Variants in EDEM2 observed in about 807,000 individuals in gnomAD.
EDEM2 encodes the protein ER degradation enhancing alpha-mannosidase like protein 2, also known as ER degradation-enhancing alpha-mannosidase-like protein 2.
In EDEM2, 39 loss-of-function variants were observed where a neutral mutation model predicts 64.8. The ratio of observed to expected loss-of-function variants is 0.60; its 90% CI spans 0.47 to 0.79. EDEM2 has a LOEUF of 0.79. EDEM2 is among the 30% of genes least tolerant of loss of function. The pLI is 0.00. For synonymous variants in EDEM2, 296 were observed against 291.5 expected, an observed-to-expected ratio of 1.02 and a Z score of -0.16; for missense variants, 609 against 731.3, an observed-to-expected ratio of 0.83 and a Z score of 1.93.
At chr20:35,140,936 A>G (rs972147541) in intron 4 of EDEM2, among the ~76,000 whole-genome samples, 7 of 152,034 alleles carry the variant, frequency 4.6e-5, no homozygotes, top group African/African-American at 1.7e-4. Flanking sequence ...CCTGGCCAAC[A>G]TGGTGAAACC....
rs1367529146 is a variant in EDEM2, at chr20:35,120,586, GCTT to G, written c.1115-1870_1115-1868del. Among the ~76,000 whole-genome samples, 56 of 133,074 alleles carry G rather than the reference GCTT, an allele frequency of 4.2e-4. 1 individual carries two copies. The highest frequency in any genetic ancestry group is 5.2e-4 in the African/African-American group (20 of 38,166). The allele number at this position is 133,074 out of a possible 152,430, so 87.3% of individuals were successfully genotyped here. ...GCCTCCTCTTCTGCTTCTTTTTTCG[GCTT>G]CTTCTTTTTTTTTTTTTTTTTTTTT... On this transcript the variant is annotated intron_variant, in intron 9 of 10. Coordinates refer to ENST00000374492, the MANE Select transcript of EDEM2 (RefSeq NM_018217.3).
chr20:35,132,895 G>A (rs2085524804), intron 6 of EDEM2, among the ~76,000 whole-genome samples: 1 of 152,040 alleles, frequency 6.6e-6, no homozygotes, highest in African/African-American at 2.4e-5. Flanking sequence ...ACTTCATCTG[G>A]TACTCAAAGA....
At chr20:35,134,542 C>T (rs190786863) in intron 6 of EDEM2, among the ~76,000 whole-genome samples, 196 bp downstream of exon 6, 4 of 152,300 alleles carry the variant, frequency 2.6e-5, no homozygotes, top group Admixed American at 2.0e-4. Context: ...CTGCCAGAAA[C>T]GTGCTTTCCC....
chr20:35,119,043 C>T (rs2085339555), intron 9 of EDEM2, among the ~76,000 whole-genome samples: 1 of 151,108 alleles, frequency 6.6e-6, no homozygotes, highest in Non-Finnish European at 1.5e-5. Context: ...TAGCAGGATT[C>T]CTAACTTTAG....
intron 7 of EDEM2, among the ~76,000 whole-genome samples, chr20:35,128,104 G>C (rs953930574): frequency 3.9e-5 from 6 of 152,052 alleles, no homozygotes; most frequent in African/African-American, 7.2e-5. Flanking sequence ...AAAAAAAGTC[G>C]GCTGGGCGTG....
At chr20:35,120,438 C>T (rs1409739201) in intron 9 of EDEM2, among the ~76,000 whole-genome samples, 3 of 152,080 alleles carry the variant, frequency 2.0e-5, no homozygotes, top group Non-Finnish European at 4.4e-5. Context: ...CCTCTCCTCA[C>T]AGGCCTCTAG....
chr20:35,135,231 C>A (rs769191846), intron 5 of EDEM2, among the ~76,000 whole-genome samples: 1 of 152,216 alleles, frequency 6.6e-6, no homozygotes, highest in Non-Finnish European at 1.5e-5. Context: ...AGCTAGAGAG[C>A]TTTACCTATT....
At chr20:35,147,104 G>A in intron 1 of EDEM2, 48 bp downstream of exon 1, 2 of 1,578,140 alleles carry the variant, frequency 1.3e-6, no homozygotes, top group Non-Finnish European at 1.7e-6. Context: ...AAAGGACCGG[G>A]TTCACGCTTC....
rs771659873 is a variant in EDEM2 at position 35,115,734 on chromosome 20, G to A, written c.1436C>T (p.Pro479Leu). The A allele has an allele frequency of 8.1e-6, 13 of 1,614,208 alleles. No individual in the cohort carries two copies. The South Asian group carries it at 1.4e-4, about 18-fold the overall frequency. The stretch of plus-strand genomic sequence containing the variant: ...GCAGTGCAGGGCGGCAGGGTCGATG[G>A]GGTGAGCTTCTGTGTTGAAGATGTA... ...GGYIFNTEAH[P>L]IDPAALHCCQ... is the part of the protein sequence containing the mutation. Residue 479 changes from proline to leucine, a missense_variant, in exon 11 of 11, where the codon CCC becomes CTC. By Grantham distance (98) the Pro-to-Leu change is moderately conservative (BLOSUM62 -3). Transcript: ENST00000374492.
chr20:35,136,646 A>T (rs1466614512), intron 5 of EDEM2, among the ~76,000 whole-genome samples: 1 of 151,242 alleles, frequency 6.6e-6, no homozygotes, highest in Non-Finnish European at 1.5e-5. Context: ...CCAGCTACTC[A>T]GGAGGCTGAG....
At chr20:35,142,247 C>A (rs560557929) in intron 4 of EDEM2, 126 bp downstream of exon 4, 2 of 702,532 alleles carry the variant, frequency 2.8e-6, no homozygotes, top group East Asian at 5.5e-5. Context: ...AGAGCTCTGT[C>A]GGTCAGAGGT....
At chr20:35,127,653 G>A (rs1015418634) in intron 7 of EDEM2, among the ~76,000 whole-genome samples, 1 of 152,216 alleles carries the variant, frequency 6.6e-6, no homozygotes, top group Non-Finnish European at 1.5e-5. Context: ...TTGGCACAAT[G>A]CTTGGTACAT....
chr20:35,134,545 G>A (rs905140478), intron 6 of EDEM2, among the ~76,000 whole-genome samples, 193 bp downstream of exon 6: 4 of 152,170 alleles, frequency 2.6e-5, no homozygotes, highest in Non-Finnish European at 2.9e-5. Flanking sequence ...CCAGAAACGT[G>A]CTTTCCCACT....
At chr20:35,130,022 T>G (rs2085487122) in intron 7 of EDEM2, among the ~76,000 whole-genome samples, 1 of 152,162 alleles carries the variant, frequency 6.6e-6, no homozygotes, top group African/African-American at 2.4e-5. Flanking sequence ...GTGACTACTG[T>G]TTTCCTATAC....
chr20:35,118,908 A>T (rs1247018802), intron 9 of EDEM2, among the ~76,000 whole-genome samples, 189 bp from the exon 10 acceptor site: 5 of 152,240 alleles, frequency 3.3e-5, no homozygotes, highest in Non-Finnish European at 7.3e-5. Flanking sequence ...CTCAGTGGAG[A>T]CCAGCATTAA....
chr20:35,142,721 T>C (rs1025092041), intron 3 of EDEM2, among the ~76,000 whole-genome samples: 1 of 152,210 alleles, frequency 6.6e-6, no homozygotes, highest in Non-Finnish European at 1.5e-5. Context: ...GTCATTTAAA[T>C]GGACACAATA....
In EDEM2 at chr20:35,144,986, G is replaced by A; in HGVS notation, c.251C>T (p.Thr84Ile). 2 of 1,614,058 alleles carry A rather than the reference G, an allele frequency of 1.2e-6. No individual in the cohort carries two copies. Among genetic ancestry groups the A allele is most frequent in the South Asian group, 2.2e-5 (2 of 91,076 alleles). The change falls in exon 3 of 11, where the codon ACC (threonine) becomes ATC (isoleucine). Residue 84 changes from threonine (T) to isoleucine (I), a missense_variant. Physicochemically the swap from Thr to Ile is moderately conservative, Grantham distance 89. Transcript: ENST00000374492. ...FSLTLIDALD[T>I]LLILGNVSEF... ...AACAGACGAGATACTTACCAGCAAG[G>A]TGTCCAGTGCATCAATTAGAGTCAG...
chr20:35,124,752 T>C (rs958251141), intron 8 of EDEM2, among the ~76,000 whole-genome samples: 1 of 152,224 alleles, frequency 6.6e-6, no homozygotes, highest in Non-Finnish European at 1.5e-5. Flanking sequence ...CACTAAAAAA[T>C]AGCCTTTGGT....
At chr20:35,145,650 G>A (rs2085719107) in intron 2 of EDEM2, among the ~76,000 whole-genome samples, 1 of 152,144 alleles carries the variant, frequency 6.6e-6, no homozygotes, top group South Asian at 2.1e-4. Flanking sequence ...ACTATAAAGG[G>A]CCACAAGGGA....
Sources: gnomAD v4.1 joint callset for allele counts (sites outside exome capture counted in the v4.1 genomes callset) on GRCh38, gnomAD v4.1.1 for gene constraint, MANE v1.5 for transcripts, NCBI Gene and HGNC (gene_info 2026-07-23, HGNC 2026-07-21) for gene names.